The following DDI2 variants were observed in gnomAD, a reference collection of about 807,000 sequenced individuals.
The protein encoded by DDI2 is protein DDI1 homolog 2.
Under a neutral mutation model 48.1 loss-of-function variants are expected in DDI2, and 5 were observed. That is an observed-to-expected ratio of 0.10 (90% CI 0.05 to 0.22). DDI2 has a LOEUF of 0.22. Among genes scored for constraint, DDI2 ranks in the 10% least tolerant of loss-of-function variants. The probability of loss-of-function intolerance (pLI) is 1.00; values close to 1 mark genes in which losing one functional copy is unlikely to be tolerated. For synonymous variants in DDI2, 205 were observed against 183.6 expected (o/e 1.12, Z -0.94); for missense variants, 285 against 506.2 (o/e 0.56, Z 4.19).
chr1:15,629,726 ATTTTTTTT>A (rs113510565), intron 2 of DDI2, among the ~76,000 whole-genome samples: 1 of 142,422 alleles, frequency 7.0e-6, no homozygotes, highest in Non-Finnish European at 1.5e-5. Context: ...ACTAGCTTTA[ATTTTTTTT>A]TTTTTTTTTC....
chr1:15,626,474 G>A (rs142918070), intron 1 of DDI2, among the ~76,000 whole-genome samples, 195 bp from the exon 2 acceptor site: 7 of 152,326 alleles, frequency 4.6e-5, no homozygotes, highest in African/African-American at 1.7e-4. Context: ...GGCGAAGTCA[G>A]GAGAGCCAGG....
At chr1:15,617,897 T>C (rs1313961300) in intron 1 of DDI2, 89 bp downstream of exon 1, 49 of 1,399,678 alleles carry the variant, frequency 3.5e-5, no homozygotes, top group Non-Finnish European at 4.3e-5. Context: ...TGGTGAAGAA[T>C]TGGGGGCTGG....
rs1298956033 is a variant in DDI2, at chr1:15,661,685, T to C, written c.*1895T>C. ...GGTGGGAATGCAGACCTTGCACTTC[T>C]TGTTTTGCTCGCAAAAAACATCGTA... On this transcript the variant is annotated 3_prime_UTR_variant, in exon 10 of 10. Transcript: ENST00000480945. 6.2e-7 allele frequency: 1 copy of C among 1,612,934 alleles called. No homozygotes were observed. Among genetic ancestry groups the C allele is most frequent in the East Asian group, 2.2e-5 (1 of 44,870 alleles).
chr1:15,632,349 A>G (rs1639858779), intron 3 of DDI2, among the ~76,000 whole-genome samples: 2 of 151,988 alleles, frequency 1.3e-5, no homozygotes, highest in African/African-American at 4.8e-5. Context: ...CCTGGCCAAC[A>G]TGGTGAAACC....
intron 1 of DDI2, among the ~76,000 whole-genome samples, chr1:15,618,937 T>G (rs1639609059): frequency 1.3e-5 from 2 of 152,238 alleles, no homozygotes; most frequent in South Asian, 4.1e-4. Context: ...GTCAATACTT[T>G]GTTCAGAAGT....
intron 8 of DDI2, among the ~76,000 whole-genome samples, chr1:15,654,527 G>A (rs531481882): frequency 3.3e-5 from 5 of 151,964 alleles, no homozygotes; most frequent in East Asian, 3.9e-4. Flanking sequence ...CCATGGTGGC[G>A]CGCCTATGGT....
At position 15,661,820 on chromosome 1, in the gene DDI2, A is replaced by G. The variant is rs748196353; in HGVS notation, c.*2030A>G. ...CATACACACTCACCACATATACAGT[A>G]TATATAGAAACCTGCAAGCAGAATG... On this transcript the variant is annotated 3_prime_UTR_variant, in exon 10 of 10. Coordinates refer to ENST00000480945, the MANE Select transcript of DDI2 (RefSeq NM_032341.5). The G allele has an allele frequency of 7.4e-7, 1 of 1,354,696 alleles. No homozygotes were observed. Among genetic ancestry groups the G allele is most frequent in the Non-Finnish European group, 9.6e-7 (1 of 1,044,110 alleles). The allele number at this position is 1,354,696 out of a possible 1,614,324, so 83.9% of individuals were successfully genotyped here.
intron 5 of DDI2, 112 bp from the exon 6 acceptor site, chr1:15,643,410 A>G (rs572789178): frequency 2.7e-6 from 4 of 1,469,670 alleles, no homozygotes; most frequent in East Asian, 2.4e-5. Context: ...TATAGAGACC[A>G]AAGCCTTGGG....
chr1:15,644,929 G>A (rs1237500511), intron 6 of DDI2, among the ~76,000 whole-genome samples: 3 of 150,828 alleles, frequency 2.0e-5, no homozygotes, highest in Non-Finnish European at 2.9e-5. Context: ...TTGTTCTGTC[G>A]CCCAGGCTGG....
rs1053949964 is a variant in DDI2 at position 15,617,476 on chromosome 1, G to T, written c.-195G>T. On this transcript the variant is annotated 5_prime_UTR_variant, in exon 1 of 10. Transcript: ENST00000480945. The stretch of plus-strand genomic sequence containing the variant: ...GGCAGGCAGACGGACTCGCAGGCGT[G>T]TGGCGGCGGCCGTGCTTGCTAGTGA... The T allele has an allele frequency of 5.6e-6, 2 of 358,072 alleles. No homozygotes were observed. Among genetic ancestry groups the T allele is most frequent in the Non-Finnish European group, 9.7e-6 (2 of 207,232 alleles). The allele number at this position is 358,072 out of a possible 1,614,324, so 22.2% of individuals were successfully genotyped here.
At position 15,664,151 on chromosome 1, in the gene DDI2, T is replaced by C. The variant is rs1640418588; in HGVS notation, c.*4361T>C. The C allele has an allele frequency of 6.6e-6, 1 of 152,164 alleles. No individual in the cohort carries two copies. Among genetic ancestry groups the C allele is most frequent in the Non-Finnish European group, 1.5e-5 (1 of 68,024 alleles). The allele number at this position is 152,164 out of a possible 1,614,324, so 9.4% of individuals were successfully genotyped here. On this transcript the variant is annotated 3_prime_UTR_variant, in exon 10 of 10. Coordinates refer to ENST00000480945, the MANE Select transcript of DDI2 (RefSeq NM_032341.5). Reference sequence around the variant, plus strand: ...TCTGGGGCTTAATCATCCTTCTGAGTAGCTGGGACTACATAAAGGCCAAAG... The same window carrying C: ...TCTGGGGCTTAATCATCCTTCTGAGCAGCTGGGACTACATAAAGGCCAAAG...
chr1:15,646,770 A>T lies in DDI2; in HGVS notation c.890-2950A>T, dbSNP rs144542514. Among the ~76,000 whole-genome samples, 241 of 152,286 alleles carry T rather than the reference A, an allele frequency of 1.6e-3. 1 individual carries two copies. Among genetic ancestry groups the T allele is most frequent in the African/African-American group, 5.6e-3 (234 of 41,552 alleles). On this transcript the variant is annotated intron_variant, in intron 6 of 9. Coordinates refer to ENST00000480945, the MANE Select transcript of DDI2 (RefSeq NM_032341.5). ...TTTAGGAGTAAATGTAGATAAATGC[A>T]TGTGTTCAGTCATTCATCTCTAATC...
At chr1:15,649,051 T>C (rs145803681) in intron 6 of DDI2, among the ~76,000 whole-genome samples, 220 of 152,000 alleles carry the variant, frequency 1.4e-3, no homozygotes, top group African/African-American at 5.1e-3. Flanking sequence ...CTGGTCAATA[T>C]AGCGAGACTC....
intron 9 of DDI2, among the ~76,000 whole-genome samples, chr1:15,659,049 TTA>T (rs1193868302): frequency 5.9e-5 from 9 of 152,218 alleles, no homozygotes; most frequent in Non-Finnish European, 1.5e-5. Flanking sequence ...TAGAGTTGTA[TTA>T]TTTGGTAGGA....
chr1:15,652,446 CGGAGGGG>C (rs1326224483), intron 8 of DDI2, among the ~76,000 whole-genome samples: 178 of 15,920 alleles, frequency 0.011, 30 homozygotes, highest in East Asian at 0.026. Context: ...TGGGAGGCTC[CGGAGGGG>C]GGGGGGGGGG....
Position 15,668,391 on chromosome 1 carries a change from A to G in DDI2, c.*8601A>G, listed in dbSNP as rs1430270516. 1.3e-5 allele frequency: 2 copies of G among 152,190 alleles called. No individual in the cohort carries two copies. The highest frequency in any genetic ancestry group is 2.9e-5 in the Non-Finnish European group (2 of 68,040). 9.4% of individuals were successfully genotyped at this position (152,190 alleles called of 1,614,324 possible). A position where few individuals can be genotyped will look rare whatever the true frequency, so the allele number is the denominator to read the frequency against. On this transcript the variant is annotated 3_prime_UTR_variant, in exon 10 of 10. Coordinates refer to ENST00000480945, the MANE Select transcript of DDI2 (RefSeq NM_032341.5). ...CTAGATTTCTATTCTATCCCCGATC[A>G]TCCTTTTGAAATAGTTCTAGTGATA...
intron 4 of DDI2, among the ~76,000 whole-genome samples, chr1:15,637,315 C>T (rs1639944330): frequency 1.3e-5 from 2 of 152,236 alleles, no homozygotes; most frequent in Middle Eastern, 6.8e-3. Flanking sequence ...AAGGGATCCA[C>T]CTACTTTGGC....
chr1:15,644,979 T>A (rs1371835171), intron 6 of DDI2, among the ~76,000 whole-genome samples: 2 of 152,030 alleles, frequency 1.3e-5, no homozygotes, highest in Non-Finnish European at 2.9e-5. Flanking sequence ...AACCTCCGCC[T>A]CCCGGGTTCA....
intron 6 of DDI2, among the ~76,000 whole-genome samples, chr1:15,645,803 G>A (rs1640081481): frequency 1.3e-5 from 2 of 150,928 alleles, no homozygotes; most frequent in South Asian, 4.2e-4. Flanking sequence ...CAGGGAGATA[G>A]AGGCTGCAGT....
Sources: allele counts gnomAD v4.1 joint callset (sites outside exome capture counted in the v4.1 genomes callset), GRCh38; gene constraint gnomAD v4.1.1; transcripts MANE v1.5; gene names NCBI Gene and HGNC (gene_info 2026-07-23, HGNC 2026-07-21).